ZNF148: variants seen among roughly 807,000 people sequenced by gnomAD.
ZNF148 encodes Beta-Enolase Repressor Factor-1.
Under a neutral mutation model 67.7 loss-of-function variants are expected in ZNF148, and 7 were observed. The ratio of observed to expected loss-of-function variants is 0.10; its 90% CI spans 0.06 to 0.19. The LOEUF (loss-of-function observed/expected upper bound fraction) is 0.19, where lower values mean the gene tolerates loss of function less well. Among genes scored for constraint, ZNF148 ranks in the 10% least tolerant of loss-of-function variants. The pLI is 1.00. For missense variants in ZNF148, 583 were observed against 947.1 expected (o/e 0.62, Z 5.05); for synonymous variants, 333 against 330.7 (o/e 1.01, Z -0.08).
intron 7 of ZNF148, among the ~76,000 whole-genome samples, chr3:125,236,981 A>C (rs959094186): frequency 6.6e-6 from 1 of 152,198 alleles, no homozygotes; most frequent in Admixed American, 6.6e-5. Context: ...TAACTAATGA[A>C]GCAATGGAAG....
intron 1 of ZNF148, among the ~76,000 whole-genome samples, chr3:125,352,703 G>C (rs547281371): frequency 4.6e-4 from 70 of 150,946 alleles, no homozygotes; most frequent in African/African-American, 1.7e-3. Flanking sequence ...TTCAACTATA[G>C]GTTTATTCAA....
intron 7 of ZNF148, among the ~76,000 whole-genome samples, chr3:125,248,047 C>T (rs773549732): frequency 6.6e-6 from 1 of 152,118 alleles, no homozygotes; most frequent in Non-Finnish European, 1.5e-5. Context: ...AGCATATTAA[C>T]ACTAAATAAT....
At chr3:125,271,915 T>C (rs1937761699) in intron 7 of ZNF148, among the ~76,000 whole-genome samples, 1 of 152,168 alleles carries the variant, frequency 6.6e-6, no homozygotes, top group Non-Finnish European at 1.5e-5. Context: ...TCTGCCTCAG[T>C]TTTAACTTGC....
rs1248077769 is a variant in ZNF148 at position 125,262,992 on chromosome 3, A to AT, written c.667+14733dup. ...AACTAAACTATTCTGTTCCACATGT[A>AT]TTTTTTTTCCCACCATTCGCTGTAA... On this transcript the variant is annotated intron_variant, in intron 7 of 8. Transcript: ENST00000360647. Among the ~76,000 whole-genome samples, 5 of 151,992 alleles carry AT rather than the reference A, an allele frequency of 3.3e-5. No homozygotes were observed. In the East Asian group the frequency reaches 9.6e-4, roughly 29 times the overall value.
chr3:125,258,279 G>A (rs1937181658), intron 7 of ZNF148, among the ~76,000 whole-genome samples: 1 of 151,920 alleles, frequency 6.6e-6, no homozygotes, highest in Non-Finnish European at 1.5e-5. Flanking sequence ...AAAAAAATTA[G>A]CCGGGCATGG....
chr3:125,298,278 C>T (rs981638577), intron 4 of ZNF148, among the ~76,000 whole-genome samples: 2 of 150,738 alleles, frequency 1.3e-5, no homozygotes, highest in Admixed American at 6.6e-5. Flanking sequence ...ATGATTTGTG[C>T]GCTTTTCTGT....
rs1935862437 is a variant in ZNF148, at chr3:125,231,730, A to AG, written c.*610dup. 6.6e-6 allele frequency: 1 copy of AG among 152,562 alleles called. No homozygotes were observed. The highest frequency in any genetic ancestry group is 2.1e-4 in the South Asian group (1 of 4,828). The allele number at this position is 152,562 out of a possible 1,614,324, so 9.5% of individuals were successfully genotyped here. On this transcript the variant is annotated 3_prime_UTR_variant, in exon 9 of 9. Transcript: ENST00000360647. ...TTAGGCTTTTAAATAGTGGAGTCTTAGACTATCAGATTTTTATTACTTTTT... is the reference window on the plus strand; with the variant it reads ...TTAGGCTTTTAAATAGTGGAGTCTTAGGACTATCAGATTTTTATTACTTTTT...
At chr3:125,314,702 A>G (rs894284397) in intron 3 of ZNF148, among the ~76,000 whole-genome samples, 1 of 152,234 alleles carries the variant, frequency 6.6e-6, no homozygotes, top group African/African-American at 2.4e-5. Context: ...TATATACAGT[A>G]TATCTGTACA....
rs1411001142 is a variant in ZNF148, at chr3:125,230,142, T to G, written c.*2199A>C. ...CATTCTAAAAACTATGCTGGTGATG[T>G]TAAAACAACCGAAAAAAACCTCTCC... On this transcript the variant is annotated 3_prime_UTR_variant, in exon 9 of 9. Transcript: ENST00000360647. 6.6e-6 allele frequency: 1 copy of G among 152,424 alleles called. No individual in the cohort carries two copies. The highest frequency in any genetic ancestry group is 1.5e-5 in the Non-Finnish European group (1 of 67,996). The allele number at this position is 152,424 out of a possible 1,614,324, so 9.4% of individuals were successfully genotyped here. A position where few individuals can be genotyped will look rare whatever the true frequency, so the allele number is the denominator to read the frequency against.
In ZNF148 at chr3:125,310,073, ATTTTTTTT is replaced by A. The variant is rs3030721; in HGVS notation, c.333+3227_333+3234del. ...CTTCTAAACAATAATGGTTCAAAGA[ATTTTTTTT>A]TTTTTTTTTTTTTTTAAAGACAGAG... On this transcript the variant is annotated intron_variant, in intron 4 of 8. Coordinates refer to ENST00000360647, the MANE Select transcript of ZNF148 (RefSeq NM_021964.3). 5.8e-5 allele frequency among the ~76,000 whole-genome samples: 8 copies of A among 137,426 alleles called. No homozygotes were observed. The East Asian group carries it at 6.3e-4, about 11-fold the overall frequency. 90.2% of individuals were successfully genotyped at this position (137,426 alleles called of 152,430 possible).
intron 1 of ZNF148, among the ~76,000 whole-genome samples, chr3:125,370,647 G>T (rs900980329): frequency 2.0e-5 from 3 of 152,178 alleles, no homozygotes; most frequent in African/African-American, 7.2e-5. Flanking sequence ...AAAAGAAGTG[G>T]AGTAATTATC....
intron 1 of ZNF148, among the ~76,000 whole-genome samples, chr3:125,365,708 C>T (rs988240574): frequency 8.5e-5 from 13 of 152,282 alleles, no homozygotes; most frequent in African/African-American, 2.9e-4. Context: ...GTCCCAGGTA[C>T]TCGGAAGGCT....
intron 7 of ZNF148, among the ~76,000 whole-genome samples, chr3:125,256,118 C>T (rs1937062951): frequency 6.6e-6 from 1 of 151,912 alleles, no homozygotes. Context: ...AATTCCAGCA[C>T]TTTGGGAGGC....
intron 7 of ZNF148, among the ~76,000 whole-genome samples, chr3:125,263,550 CA>C (rs35704064): frequency 1.2e-4 from 17 of 147,196 alleles, no homozygotes; most frequent in Admixed American, 2.0e-4. Context: ...GACTCTGTCT[CA>C]AAAAAAAAAA....
At chr3:125,260,442 A>C (rs1405549630) in intron 7 of ZNF148, among the ~76,000 whole-genome samples, 1 of 152,354 alleles carries the variant, frequency 6.6e-6, no homozygotes, top group African/African-American at 2.4e-5. Context: ...AATAAAAAGC[A>C]ATGAATTATT....
At chr3:125,354,816 T>C (rs1405142607) in intron 1 of ZNF148, among the ~76,000 whole-genome samples, 1 of 152,270 alleles carries the variant, frequency 6.6e-6, no homozygotes, top group Non-Finnish European at 1.5e-5. Context: ...AAGTTTACAG[T>C]GGTAACAACA....
At chr3:125,357,030 A>G (rs1054550930) in intron 1 of ZNF148, 2 of 152,226 alleles carry the variant, frequency 1.3e-5, no homozygotes, top group African/African-American at 2.4e-5. Flanking sequence ...AAGATTTGTA[A>G]AAGAGGAATA....
At chr3:125,307,364 C>T (rs975005443) in intron 4 of ZNF148, among the ~76,000 whole-genome samples, 7 of 150,546 alleles carry the variant, frequency 4.6e-5, no homozygotes, top group African/African-American at 1.5e-4. Flanking sequence ...AGTGCAGTGG[C>T]GCGATCTCAG....
At chr3:125,269,318 C>T (rs924862577) in intron 7 of ZNF148, among the ~76,000 whole-genome samples, 3 of 151,250 alleles carry the variant, frequency 2.0e-5, no homozygotes, top group African/African-American at 7.3e-5. Flanking sequence ...GAGGTTGAGG[C>T]CACAGTGAGC....
Sources: allele counts gnomAD v4.1 joint callset (sites outside exome capture counted in the v4.1 genomes callset), GRCh38; gene constraint gnomAD v4.1.1; transcripts MANE v1.5; gene names NCBI Gene and HGNC (gene_info 2026-07-23, HGNC 2026-07-21).